CBLB: variants seen among roughly 807,000 people sequenced by gnomAD.
CBLB encodes the protein E3 ubiquitin-protein ligase CBL-B.
In CBLB, 31 loss-of-function variants were observed where a neutral mutation model predicts 104.9. The observed-to-expected ratio is 0.30, with a 90% CI of 0.22 to 0.40. The LOEUF (loss-of-function observed/expected upper bound fraction) is 0.40, where lower values mean the gene tolerates loss of function less well. Ranked by LOEUF, CBLB falls within the 10% of genes least tolerant of loss-of-function variation. The probability of loss-of-function intolerance (pLI) is 1.00; values close to 1 mark genes in which losing one functional copy is unlikely to be tolerated. For missense variants in CBLB, 1,062 were observed against 1,214.6 expected, an observed-to-expected ratio of 0.87 and a Z score of 1.87; for synonymous variants, 440 against 422.6, an observed-to-expected ratio of 1.04 and a Z score of -0.51.
In CBLB at chr3:105,867,541, G is replaced by C. The variant is rs751697452; in HGVS notation, c.37C>G (p.Arg13Gly). Residue 13 changes from arginine to glycine, a missense_variant, in exon 2 of 19, where the codon CGA becomes GGA. Arg to Gly is a moderately radical substitution (Grantham distance 125, BLOSUM62 -2). Around this residue, in one of 2 missense-constraint regions of CBLB, gnomAD observed 457 missense variants for 632.0 expected, o/e 0.72. Transcript: ENST00000394030. ...CGACCTTTTCGGGGATTTCCTCCTC[G>C]ACCACCAGGGTTTCTGCCATTCATT... Reference protein sequence around the residue: ...NSMNGRNPGGRGGNPRKGRIL... With the variant: ...NSMNGRNPGGGGGNPRKGRIL... 6.2e-7 allele frequency: 1 copy of C among 1,613,960 alleles called. No homozygotes were observed. Among genetic ancestry groups the C allele is most frequent in the Non-Finnish European group, 8.5e-7 (1 of 1,179,988 alleles).
At chr3:105,682,707 T>G (rs1481128682) in intron 14 of CBLB, among the ~76,000 whole-genome samples, 2 of 152,148 alleles carry the variant, frequency 1.3e-5, no homozygotes, top group African/African-American at 4.8e-5. Context: ...TTTGCCATGT[T>G]GCCCAGGCTG....
At position 105,655,832 on chromosome 3, in the gene CBLB, TGA is replaced by T; in HGVS notation, c.*3136_*3137del. 1 of 217,972 alleles carries T rather than the reference TGA, an allele frequency of 4.6e-6. No individual in the cohort carries two copies. Among genetic ancestry groups the T allele is most frequent in the Non-Finnish European group, 9.2e-6 (1 of 108,312 alleles). The allele number at this position is 217,972 out of a possible 1,614,324, so 13.5% of individuals were successfully genotyped here. A position where few individuals can be genotyped will look rare whatever the true frequency, so the allele number is the denominator to read the frequency against. On this transcript the variant is annotated 3_prime_UTR_variant, in exon 19 of 19. Transcript: ENST00000394030. ...AAATCAAAGCTTCAAGTTGAAAATC[TGA>T]GAGAAAAAATAACGTTCGAACTGTA...
chr3:105,746,071 T>G, intron 5 of CBLB, 33 bp from the exon 6 acceptor site: 1 of 1,391,004 alleles, frequency 7.2e-7, no homozygotes, highest in Non-Finnish European at 1.0e-6. Context: ...GAGATTAGTA[T>G]CTAGAGAATA....
chr3:105,737,513 T>C (rs1446140156), intron 7 of CBLB, among the ~76,000 whole-genome samples: 1 of 152,126 alleles, frequency 6.6e-6, no homozygotes, highest in Non-Finnish European at 1.5e-5. Flanking sequence ...ATGAAATACC[T>C]TTAATATATG....
At chr3:105,714,332 C>T (rs925191808) in intron 10 of CBLB, among the ~76,000 whole-genome samples, 1 of 152,092 alleles carries the variant, frequency 6.6e-6, no homozygotes, top group Non-Finnish European at 1.5e-5. Flanking sequence ...AAATGTGTTA[C>T]ATTTATTATG....
rs543253286 is a variant in CBLB, at chr3:105,868,773, G to A, written c.-52C>T. 799 of 988,436 alleles carry A rather than the reference G, an allele frequency of 8.1e-4. 4 individuals carry two copies. In the African/African-American group the frequency reaches 0.013, roughly 16 times the overall value. The allele number at this position is 988,436 out of a possible 1,614,324, so 61.2% of individuals were successfully genotyped here. Reference sequence around the variant, plus strand: ...TAGCTGTCCAGAGACACGCGTGTGCGCGGGTCCCACTCCACACGCACGCAG... The same window carrying A: ...TAGCTGTCCAGAGACACGCGTGTGCACGGGTCCCACTCCACACGCACGCAG... On this transcript the variant is annotated 5_prime_UTR_variant, in exon 1 of 19. Coordinates refer to ENST00000394030, the MANE Select transcript of CBLB (RefSeq NM_170662.5).
chr3:105,682,099 C>CAG (rs2066388251), intron 14 of CBLB: 2 of 354,246 alleles, frequency 5.6e-6, no homozygotes, highest in East Asian at 1.1e-4. Flanking sequence ...GTAAAATTAA[C>CAG]TTATCTCTGT....
chr3:105,789,183 T>C (rs1478063726), intron 3 of CBLB, among the ~76,000 whole-genome samples: 1 of 152,204 alleles, frequency 6.6e-6, no homozygotes, highest in African/African-American at 2.4e-5. Flanking sequence ...TCAATAATGT[T>C]AATTGTTATT....
At chr3:105,794,044 C>A (rs988425937) in intron 3 of CBLB, among the ~76,000 whole-genome samples, 1 of 152,044 alleles carries the variant, frequency 6.6e-6, no homozygotes, top group South Asian at 2.1e-4. Context: ...TTAAAATATA[C>A]CCATGCAACA....
intron 12 of CBLB, among the ~76,000 whole-genome samples, chr3:105,698,825 C>T (rs1028154716): frequency 6.6e-6 from 1 of 152,018 alleles, no homozygotes; most frequent in Non-Finnish European, 1.5e-5. Flanking sequence ...AATATCTCCC[C>T]TTTCTCTTCA....
At chr3:105,759,296 G>C (rs1379830589) in intron 4 of CBLB, among the ~76,000 whole-genome samples, 1 of 152,128 alleles carries the variant, frequency 6.6e-6, no homozygotes, top group East Asian at 1.9e-4. Context: ...ACTGGTCCAA[G>C]GGCAGGCCCA....
intron 10 of CBLB, among the ~76,000 whole-genome samples, chr3:105,715,305 A>G (rs575813084): frequency 7.2e-5 from 11 of 152,246 alleles, no homozygotes; most frequent in Non-Finnish European, 1.5e-4. Flanking sequence ...GCAAAATCTA[A>G]AACATATTCT....
At chr3:105,725,910 C>T (rs555260705) in intron 9 of CBLB, among the ~76,000 whole-genome samples, 38 of 152,070 alleles carry the variant, frequency 2.5e-4, no homozygotes, top group East Asian at 1.7e-3. Context: ...GGTGCAGTGC[C>T]GTGATCTCAG....
Position 105,656,197 on chromosome 3 carries a change from T to C in CBLB, c.*2773A>G, listed in dbSNP as rs941810059. The C allele has an allele frequency of 1.3e-4, 29 of 217,534 alleles. No homozygotes were observed. Among genetic ancestry groups the C allele is most frequent in the Middle Eastern group, 1.3e-3 (1 of 742 alleles). The allele number at this position is 217,534 out of a possible 1,614,324, so 13.5% of individuals were successfully genotyped here. ...GATAAGTCCTTCTATCTCCAGAACA[T>C]GTTTGGGTTGGGTGAGAAGGGTTGA... On this transcript the variant is annotated 3_prime_UTR_variant, in exon 19 of 19. Coordinates refer to ENST00000394030, the MANE Select transcript of CBLB (RefSeq NM_170662.5).
In CBLB at chr3:105,702,357, G is replaced by C. The variant is rs1382370426; in HGVS notation, c.1696C>G (p.Pro566Ala). 6.2e-7 allele frequency: 1 copy of C among 1,612,972 alleles called. No individual in the cohort carries two copies. The highest frequency in any genetic ancestry group is 8.5e-7 in the Non-Finnish European group (1 of 1,179,576). ...TGTCTACTCAGTCTATTGTCTGGTG[G>C]GATTGGTGGAGGTCTTTCAGGTGGC... ...PPPPERPPPI[P>A]PDNRLSRHIH... Residue 566 changes from proline to alanine, a missense_variant, in exon 12 of 19, where the codon CCA becomes GCA. Transcript: ENST00000394030.
intron 12 of CBLB, among the ~76,000 whole-genome samples, chr3:105,699,107 T>A (rs2068762223): frequency 6.6e-6 from 1 of 152,142 alleles, no homozygotes; most frequent in Non-Finnish European, 1.5e-5. Context: ...TATTATATTA[T>A]AAGCACCGAG....
intron 3 of CBLB, among the ~76,000 whole-genome samples, chr3:105,850,071 A>G (rs2153113612): frequency 1.3e-5 from 2 of 152,258 alleles, no homozygotes; most frequent in South Asian, 4.1e-4. Flanking sequence ...TAATGCTAAA[A>G]GGCAACAGGA....
At chr3:105,830,939 A>T (rs1205497597) in intron 3 of CBLB, among the ~76,000 whole-genome samples, 1 of 152,344 alleles carries the variant, frequency 6.6e-6, no homozygotes, top group Middle Eastern at 3.4e-3. Flanking sequence ...TAATTCAGTG[A>T]CACCAAACTT....
intron 3 of CBLB, among the ~76,000 whole-genome samples, chr3:105,803,530 T>C (rs754674138): frequency 6.6e-6 from 1 of 152,186 alleles, no homozygotes; most frequent in Non-Finnish European, 1.5e-5. Context: ...TGTTTATAAC[T>C]TCCACCATTC....
Sources: gnomAD v4.1 joint callset for allele counts (sites outside exome capture counted in the v4.1 genomes callset) on GRCh38, gnomAD v4.1.1 for gene constraint, gnomAD v4.1.1 regional missense constraint, MANE v1.5 for transcripts, NCBI Gene and HGNC (gene_info 2026-07-23, HGNC 2026-07-21) for gene names.